UTP25: variants seen among roughly 807,000 people sequenced by gnomAD.
The protein encoded by UTP25 is U3 small nucleolar RNA-associated protein 25 homolog.
In UTP25, 50 loss-of-function variants were observed where a neutral mutation model predicts 78.9. That is an observed-to-expected ratio of 0.63 (90% CI 0.50 to 0.80). The LOEUF is 0.80. Among genes scored for constraint, UTP25 ranks in the 30% least tolerant of loss-of-function variants. The pLI is 0.00. For synonymous variants in UTP25, 329 were observed against 336.5 expected (o/e 0.98, Z 0.24); for missense variants, 846 against 911.3 (o/e 0.93, Z 0.92).
intron 11 of UTP25, among the ~76,000 whole-genome samples, chr1:209,850,080 T>C (rs1023442598): frequency 6.6e-6 from 1 of 152,246 alleles, no homozygotes; most frequent in African/African-American, 2.4e-5. Context: ...TCAGGTTACC[T>C]GATTGCTTCA....
chr1:209,829,121 G>A (rs930648964), intron 1 of UTP25, among the ~76,000 whole-genome samples: 4 of 152,134 alleles, frequency 2.6e-5, no homozygotes, highest in South Asian at 2.1e-4. Context: ...GTACATATTT[G>A]TGGGATACAG....
Position 209,840,840 on chromosome 1 carries a change from CT to C in UTP25, c.1283-12del. 5 of 1,611,816 alleles carry C rather than the reference CT, an allele frequency of 3.1e-6. No homozygotes were observed. The highest frequency in any genetic ancestry group is 4.2e-6 in the Non-Finnish European group (5 of 1,179,680). On this transcript the variant is annotated splice_polypyrimidine_tract_variant and intron_variant, in intron 7 of 11. Transcript: ENST00000491415. ...GACTAATGAATTGGTGTGTACTTGGCTGTTTTGTGTAGGAGTGGCAATACTT... is the reference window on the plus strand; with the variant it reads ...GACTAATGAATTGGTGTGTACTTGGCGTTTTGTGTAGGAGTGGCAATACTT...
intron 3 of UTP25, among the ~76,000 whole-genome samples, chr1:209,832,268 A>T (rs544906957): frequency 6.6e-6 from 1 of 152,070 alleles, no homozygotes; most frequent in East Asian, 1.9e-4. Flanking sequence ...TTCAGACTAC[A>T]TTTTTATGAT....
rs759462467 is a variant in UTP25, at chr1:209,833,212, G to A, written c.416G>A (p.Gly139Glu). Residue 139 changes from glycine (G) to glutamate (E), a missense_variant, in exon 4 of 12, where the codon GGA (glycine) becomes GAA (glutamate). By Grantham distance (98) the Gly-to-Glu change is moderately conservative. Transcript: ENST00000491415. ...GTAGCTTTATCTGCTGACCCTGAGG[G>A]AAAAGAAGATGGGGAAGAGCCACCG... is the stretch of plus-strand genomic sequence containing the variant. ...ENVALSADPE[G>E]KEDGEEPPGT... 1.2e-6 allele frequency: 2 copies of A among 1,613,788 alleles called. No individual in the cohort carries two copies. The highest frequency in any genetic ancestry group is 2.2e-5 in the South Asian group (2 of 91,062).
chr1:209,842,645 T>A lies in UTP25; in HGVS notation c.1731T>A (p.His577Gln), dbSNP rs141073115. The part of the protein sequence containing the change: ...SISHVLVQLP[H>Q]VFQRMEAENL... Reference sequence around the variant, plus strand: ...GTCATGTCCTGGTGCAGCTCCCACATGTCTTCCAGAGGATGGAAGCTGAAA... The same window carrying A: ...GTCATGTCCTGGTGCAGCTCCCACAAGTCTTCCAGAGGATGGAAGCTGAAA... The change falls in exon 10 of 12, where the codon CAT becomes CAA. Residue 577 changes from histidine to glutamine, a missense_variant. Physicochemically the swap from His to Gln is conservative, Grantham distance 24 (BLOSUM62 0). Coordinates refer to ENST00000491415, the MANE Select transcript of UTP25 (RefSeq NM_014388.7). The A allele has an allele frequency of 8.6e-5, 138 of 1,613,832 alleles. 1 individual carries two copies. In the African/African-American group the frequency reaches 1.5e-3, roughly 17 times the overall value.
At chr1:209,851,177 A>G (rs1206741309) in intron 11 of UTP25, 27 bp from the exon 12 acceptor site, 5 of 1,597,506 alleles carry the variant, frequency 3.1e-6, no homozygotes, top group Admixed American at 1.7e-5. Context: ...TCAAGTTGAC[A>G]TAGCTCTTTC....
intron 11 of UTP25, among the ~76,000 whole-genome samples, chr1:209,847,570 C>G (rs556315497): frequency 6.6e-5 from 10 of 152,306 alleles, no homozygotes; most frequent in Non-Finnish European, 1.3e-4. Flanking sequence ...GATATCTAGT[C>G]TATATTCAGA....
Position 209,851,282 on chromosome 1 carries a change from T to C in UTP25, c.2106T>C (p.Asn702=), listed in dbSNP as rs771555933. The C allele has an allele frequency of 6.8e-6, 11 of 1,614,054 alleles. No homozygotes were observed. The South Asian group carries it at 1.2e-4, about 18-fold the overall frequency. Residue 702 remains asparagine, a synonymous_variant, in exon 12 of 12, where the codon AAT becomes AAC. Transcript: ENST00000491415. ...TYPHFYSEIC[N]MLRATNRGEE... is the part of the protein sequence containing the mutation. ...CACACTTTTACAGTGAAATCTGTAATATGCTGAGAGCCACCAACAGAGGAG... is the reference window on the plus strand; with the variant it reads ...CACACTTTTACAGTGAAATCTGTAACATGCTGAGAGCCACCAACAGAGGAG...
At chr1:209,840,785 T>G in intron 7 of UTP25, 68 bp from the exon 8 acceptor site, 14 of 1,500,496 alleles carry the variant, frequency 9.3e-6, no homozygotes, top group African/African-American at 1.4e-5. Flanking sequence ...TGGACTGCTT[T>G]GAGAGGGTGG....
chr1:209,832,867 G>C (rs1179700880), intron 3 of UTP25, among the ~76,000 whole-genome samples: 1 of 152,166 alleles, frequency 6.6e-6, no homozygotes, highest in Non-Finnish European at 1.5e-5. Flanking sequence ...CTGGGTGACA[G>C]AGCCAGACCC....
chr1:209,835,213 A>C (rs754835126), intron 5 of UTP25, 50 bp downstream of exon 5: 39 of 1,540,870 alleles, frequency 2.5e-5, no homozygotes, highest in Non-Finnish European at 3.3e-5. Flanking sequence ...GCTCTAAATA[A>C]AACAGTGGTC....
chr1:209,853,178 G>C lies in UTP25; in HGVS notation c.*1731G>C, dbSNP rs1232738749. On this transcript the variant is annotated 3_prime_UTR_variant, in exon 12 of 12. Transcript: ENST00000491415. The stretch of plus-strand genomic sequence containing the variant: ...GGTTTTCTAAATTTCAGAAAATTTA[G>C]TTAGATAAAAGCCGACCGAACCCAT... 6.6e-6 allele frequency: 1 copy of C among 152,064 alleles called. No individual in the cohort carries two copies. Among genetic ancestry groups the C allele is most frequent in the Non-Finnish European group, 1.5e-5 (1 of 68,026 alleles). 9.4% of individuals were successfully genotyped at this position (152,064 alleles called of 1,614,324 possible).
chr1:209,854,152 C>CA lies in UTP25; in HGVS notation c.*2706dup, dbSNP rs1446362043. On this transcript the variant is annotated 3_prime_UTR_variant, in exon 12 of 12. Coordinates refer to ENST00000491415, the MANE Select transcript of UTP25 (RefSeq NM_014388.7). ...ACACTACCTTGATGTTAACAAGGCT[C>CA]ATTTGCAGCAAGCAAGTGCCTATAT... 6.6e-6 allele frequency: 1 copy of CA among 152,110 alleles called. No individual in the cohort carries two copies. Among genetic ancestry groups the CA allele is most frequent in the Non-Finnish European group, 1.5e-5 (1 of 68,014 alleles). The allele number at this position is 152,110 out of a possible 1,614,324, so 9.4% of individuals were successfully genotyped here.
chr1:209,838,726 T>G, intron 6 of UTP25, 183 bp from the exon 7 acceptor site: 1 of 667,600 alleles, frequency 1.5e-6, no homozygotes, highest in Non-Finnish European at 2.7e-6. Flanking sequence ...GCTGGGGTTA[T>G]GAAAGGTGCT....
At chr1:209,837,983 C>T (rs980805726) in intron 6 of UTP25, among the ~76,000 whole-genome samples, 2 of 152,110 alleles carry the variant, frequency 1.3e-5, no homozygotes, top group Admixed American at 1.3e-4. Context: ...AGTCAAACTC[C>T]CTTGTGTAAT....
At chr1:209,837,359 G>A (rs2078139612) in intron 6 of UTP25, 148 bp downstream of exon 6, 1 of 951,832 alleles carries the variant, frequency 1.1e-6, no homozygotes, top group African/African-American at 1.7e-5. Context: ...AGTAGGCCAG[G>A]TAGTGTCAGA....
chr1:209,842,572 A>G lies in UTP25; in HGVS notation c.1669-11A>G. 4.3e-6 allele frequency: 7 copies of G among 1,613,746 alleles called. No homozygotes were observed. The highest frequency in any genetic ancestry group is 5.9e-6 in the Non-Finnish European group (7 of 1,179,744). On this transcript the variant is annotated splice_polypyrimidine_tract_variant and intron_variant, in intron 9 of 11. Transcript: ENST00000491415. Reference sequence around the variant, plus strand: ...GGCTGTCCACCTAACGCTCTTGTTGACTACTGGCAGGTGGCCGTGAGGAAT... The same window carrying G: ...GGCTGTCCACCTAACGCTCTTGTTGGCTACTGGCAGGTGGCCGTGAGGAAT...
Sources: allele counts gnomAD v4.1 joint callset (sites outside exome capture counted in the v4.1 genomes callset), GRCh38; gene constraint gnomAD v4.1.1; transcripts MANE v1.5; gene names NCBI Gene and HGNC (gene_info 2026-07-23, HGNC 2026-07-21).